Variants in TUFT1 observed in about 807,000 individuals in gnomAD.
TUFT1 encodes the protein tuftelin 1.
A neutral mutation model predicts 57.8 loss-of-function variants in TUFT1; 43 were observed. The observed-to-expected ratio is 0.74, with a 90% CI of 0.58 to 0.96. The LOEUF (loss-of-function observed/expected upper bound fraction) is 0.96. Among genes scored for constraint, TUFT1 ranks in the 40% least tolerant of loss-of-function variants. The pLI, the probability that TUFT1 is intolerant of heterozygous loss-of-function variation, is 0.00. For missense variants in TUFT1, 459 were observed against 489.0 expected, an observed-to-expected ratio of 0.94 and a Z score of 0.58; for synonymous variants, 166 against 176.7, an observed-to-expected ratio of 0.94 and a Z score of 0.48.
chr1:151,578,754 G>A lies in TUFT1; in HGVS notation c.852G>A (p.Leu284=), dbSNP rs1666558351. 1.3e-6 allele frequency: 2 copies of A among 1,582,152 alleles called. No homozygotes were observed. Among genetic ancestry groups the A allele is most frequent in the Non-Finnish European group, 1.7e-6 (2 of 1,162,826 alleles). Residue 284 remains leucine, a synonymous_variant, in exon 10 of 13, where the codon TTG becomes TTA. Transcript: ENST00000368849. ...CCCTGGAAAAGGAAGTGGCCGGGTT[G>A]CGGGAGAAGATCCACCACTTGGATG... ...AATLEKEVAG[L]REKIHHLDDM... is the part of the protein sequence containing the mutation.
intron 5 of TUFT1, 165 bp downstream of exon 5, chr1:151,564,779 G>T: frequency 1.7e-6 from 1 of 599,538 alleles, no homozygotes; most frequent in African/African-American, 1.9e-5. Flanking sequence ...ATCTGGTTAG[G>T]ACTCTCCAGC....
intron 1 of TUFT1, chr1:151,561,738 G>A (rs1246517440): frequency 7.6e-7 from 1 of 1,312,532 alleles, no homozygotes; most frequent in Non-Finnish European, 9.9e-7. Flanking sequence ...TCTGGATTGA[G>A]GATGAGCAGT....
intron 1 of TUFT1, among the ~76,000 whole-genome samples, chr1:151,560,117 A>G (rs911873179): frequency 6.6e-6 from 1 of 150,794 alleles, no homozygotes; most frequent in African/African-American, 2.4e-5. Flanking sequence ...AATATTCAAC[A>G]AAAAAACCCT....
In TUFT1 at chr1:151,582,319, G is replaced by A. The variant is rs1666668806; in HGVS notation, c.*612G>A. Reference sequence around the variant, plus strand: ...GTGGCCTTGTCTTTCTGGGGAGGAGGGAATGTACATTCAGGGAGTAGCCTT... The same window carrying A: ...GTGGCCTTGTCTTTCTGGGGAGGAGAGAATGTACATTCAGGGAGTAGCCTT... On this transcript the variant is annotated 3_prime_UTR_variant, in exon 13 of 13. Coordinates refer to ENST00000368849, the MANE Select transcript of TUFT1 (RefSeq NM_020127.3). 3 of 426,956 alleles carry A rather than the reference G, an allele frequency of 7.0e-6. No individual in the cohort carries two copies. Among genetic ancestry groups the A allele is most frequent in the Non-Finnish European group, 9.4e-6 (2 of 212,614 alleles). The allele number at this position is 426,956 out of a possible 1,614,324, so 26.4% of individuals were successfully genotyped here.
chr1:151,556,691 C>T (rs755383879), intron 1 of TUFT1, among the ~76,000 whole-genome samples: 7 of 152,094 alleles, frequency 4.6e-5, no homozygotes, highest in East Asian at 3.9e-4. Flanking sequence ...GATTACAGGC[C>T]GGACACAGTG....
intron 7 of TUFT1, among the ~76,000 whole-genome samples, chr1:151,570,592 A>G (rs1198743943): frequency 6.6e-6 from 1 of 151,844 alleles, no homozygotes; most frequent in East Asian, 2.0e-4. Flanking sequence ...GAATGAGTAT[A>G]TTAATTATTG....
chr1:151,568,402 A>G (rs377103972), intron 6 of TUFT1, among the ~76,000 whole-genome samples: 4 of 152,104 alleles, frequency 2.6e-5, no homozygotes, highest in Admixed American at 1.3e-4. Flanking sequence ...ATCTATCTAC[A>G]TTGCTGTATT....
chr1:151,566,603 A>G (rs1666092052), intron 6 of TUFT1, among the ~76,000 whole-genome samples: 1 of 152,184 alleles, frequency 6.6e-6, no homozygotes, highest in Non-Finnish European at 1.5e-5. Context: ...AGAGCTCTTC[A>G]GGTGATACTA....
chr1:151,565,544 A>C (rs1276024184), intron 5 of TUFT1, among the ~76,000 whole-genome samples: 2 of 152,252 alleles, frequency 1.3e-5, no homozygotes, highest in African/African-American at 4.8e-5. Flanking sequence ...GCTTGAGCTC[A>C]CATCTGGCTG....
rs112136382 is a variant in TUFT1, at chr1:151,556,069, A to G, written c.61-6022A>G. 6.5e-4 allele frequency among the ~76,000 whole-genome samples: 99 copies of G among 152,100 alleles called. 1 individual carries two copies. Among genetic ancestry groups the G allele is most frequent in the South Asian group, 6.0e-3 (29 of 4,808 alleles). ...CTTTTCCCATTTCTATAACTTTGTT[A>G]TTTAAAAAATGTTACACAAGTGAAA... is the stretch of plus-strand genomic sequence containing the variant. On this transcript the variant is annotated intron_variant, in intron 1 of 12. Coordinates refer to ENST00000368849, the MANE Select transcript of TUFT1 (RefSeq NM_020127.3).
chr1:151,540,810 G>T (rs952675976), intron 1 of TUFT1: 5 of 210,210 alleles, frequency 2.4e-5, no homozygotes, highest in African/African-American at 1.2e-4. Flanking sequence ...TCCTGCCGAG[G>T]AGGCTTAGGC....
chr1:151,579,601 T>C (rs1358984343), intron 10 of TUFT1, 48 bp from the exon 11 acceptor site: 2 of 1,595,604 alleles, frequency 1.3e-6, no homozygotes, highest in Non-Finnish European at 1.7e-6. Context: ...GGTGAGTGTG[T>C]AATGAGTCAT....
chr1:151,575,385 T>G (rs1382381336), intron 9 of TUFT1, among the ~76,000 whole-genome samples: 2 of 152,058 alleles, frequency 1.3e-5, no homozygotes, highest in African/African-American at 4.8e-5. Context: ...TGTAAACTGT[T>G]TGAGGGTAAA....
At chr1:151,566,251 G>A (rs1364811007) in intron 6 of TUFT1, 23 bp downstream of exon 6, 1 of 1,602,712 alleles carries the variant, frequency 6.2e-7, no homozygotes, top group Non-Finnish European at 8.5e-7. Context: ...GGACACCATG[G>A]TGGCTCCGCT....
At chr1:151,580,823 G>A in intron 11 of TUFT1, 119 bp from the exon 12 acceptor site, 1 of 828,202 alleles carries the variant, frequency 1.2e-6, no homozygotes, top group Admixed American at 2.1e-5. Context: ...TGGCACGCAT[G>A]GTGGGGGTAG....
chr1:151,561,499 A>ACACACACG, intron 1 of TUFT1: 1 of 917,452 alleles, frequency 1.1e-6, no homozygotes. Flanking sequence ...ACACACACAC[A>ACACACACG]CACACACTTC....
chr1:151,541,749 A>T (rs1160532076), intron 1 of TUFT1, among the ~76,000 whole-genome samples: 2 of 152,176 alleles, frequency 1.3e-5, no homozygotes, highest in Non-Finnish European at 2.9e-5. Flanking sequence ...CCCAAACCCC[A>T]TTCTTCTGTA....
At chr1:151,560,728 G>C (rs965108903) in intron 1 of TUFT1, among the ~76,000 whole-genome samples, 3 of 152,204 alleles carry the variant, frequency 2.0e-5, no homozygotes, top group Non-Finnish European at 4.4e-5. Flanking sequence ...TCACAGAATG[G>C]AATCCAGAAG....
Position 151,540,403 on chromosome 1 carries a change from G to T in TUFT1, c.37G>T (p.Val13Leu), listed in dbSNP as rs147717001. 20 of 1,614,078 alleles carry T rather than the reference G, an allele frequency of 1.2e-5. No homozygotes were observed. The highest frequency in any genetic ancestry group is 1.7e-5 in the Non-Finnish European group (20 of 1,180,008). The part of the protein sequence containing the change: ...GTRNWCTLVD[V>L]HPEDQAAGSV... ...GCGGAACTGGTGTACCCTGGTGGAC[G>T]TGCACCCAGAGGACCAGGCGGCGGT... The change falls in exon 1 of 13, where the codon GTG (valine) becomes TTG (leucine). Residue 13 changes from valine to leucine, a missense_variant. Physicochemically the swap from Val to Leu is conservative, Grantham distance 32. Coordinates refer to ENST00000368849, the MANE Select transcript of TUFT1 (RefSeq NM_020127.3).
Sources: gnomAD v4.1 joint callset for allele counts (sites outside exome capture counted in the v4.1 genomes callset) on GRCh38, gnomAD v4.1.1 for gene constraint, MANE v1.5 for transcripts, NCBI Gene and HGNC (gene_info 2026-07-23, HGNC 2026-07-21) for gene names.